TRPM4: variants seen among roughly 807,000 people sequenced by gnomAD.
The protein encoded by TRPM4 is transient receptor potential cation channel subfamily M member 4.
A neutral mutation model predicts 135.6 loss-of-function variants in TRPM4; 124 were observed. The observed-to-expected ratio is 0.91, with a 90% CI of 0.79 to 1.06. The LOEUF (loss-of-function observed/expected upper bound fraction) is 1.06, where lower values mean the gene tolerates loss of function less well. TRPM4 is among the 50% of genes least tolerant of loss of function. The pLI, the probability that TRPM4 is intolerant of heterozygous loss-of-function variation, is 0.00. For synonymous variants in TRPM4, 745 were observed against 705.6 expected (o/e 1.06, Z -0.88); for missense variants, 1,658 against 1,671.4 (o/e 0.99, Z 0.14).
rs145677855 is a variant in TRPM4 at position 49,167,921 on chromosome 19, T to C, written c.272T>C (p.Leu91Pro). 3.1e-6 allele frequency: 5 copies of C among 1,613,976 alleles called. No individual in the cohort carries two copies. The highest frequency in any genetic ancestry group is 4.2e-6 in the Non-Finnish European group (5 of 1,180,024). ...CCCGCTCCCATGTGTCCACAGTTCC[T>C]CCGGCTCTCTGACCGAACGGATCCA... ...TGAGRKHSNF[L>P]RLSDRTDPAA... Residue 91 changes from leucine to proline, a missense_variant, in exon 4 of 25, where the codon CTC (leucine) becomes CCC (proline). By Grantham distance (98) the Leu-to-Pro change is moderately conservative. Transcript: ENST00000252826.
rs538569974 is a variant in TRPM4 at position 49,175,878 on chromosome 19, C to T, written c.1150+3770C>T. Among the ~76,000 whole-genome samples the T allele has an allele frequency of 3.9e-3, 588 of 148,888 alleles. 17 individuals are homozygous for T. Among genetic ancestry groups the T allele is most frequent in the Non-Finnish European group, 7.1e-3 (476 of 67,510 alleles). Reference sequence around the variant, plus strand: ...TCCTGACCTTGTGATCCACCCGCCTCGGCCTCCCAAAGTGCTGGGATTACA... The same window carrying T: ...TCCTGACCTTGTGATCCACCCGCCTTGGCCTCCCAAAGTGCTGGGATTACA... On this transcript the variant is annotated intron_variant, in intron 9 of 24. Coordinates refer to ENST00000252826, the MANE Select transcript of TRPM4 (RefSeq NM_017636.4).
chr19:49,168,560 TC>T lies in TRPM4; in HGVS notation c.623del (p.Pro208LeufsTer70), dbSNP rs770203558. The T allele has an allele frequency of 8.1e-6, 13 of 1,613,732 alleles. No homozygotes were observed. The highest frequency in any genetic ancestry group is 1.3e-5 in the African/African-American group (1 of 74,890). ...RDTLINPKGSFPARYRWRGDP... is the reference protein window; with the variant it reads ...RDTLINPKGSXPARYRWRGDP... ...TGGCCATTTTTCCCCTAGGGCTCGT[TC>T]CCTGCGAGGTACCGGTGGCGCGGTG... On this transcript the variant is annotated frameshift_variant, in exon 6 of 25. Transcript: ENST00000252826. LOFTEE classifies it high-confidence loss of function.
rs1347083636 is a variant in TRPM4, at chr19:49,211,473, C to G, written c.3641-21C>G. ...CCCTTCCCTGCCAATCACCTGCTCT[C>G]TCTTTTCTCTCTTCCCCCAGACTGA... On this transcript the variant is annotated intron_variant, in intron 24 of 24. Coordinates refer to ENST00000252826, the MANE Select transcript of TRPM4 (RefSeq NM_017636.4). This position sits in a 1 kb window ranked among gnomAD's most constrained non-coding sequence, Gnocchi z 4.8. 6.2e-7 allele frequency: 1 copy of G among 1,614,038 alleles called. No individual in the cohort carries two copies.
Position 49,164,210 on chromosome 19 carries a change from C to CTTTCT in TRPM4, c.93-1815_93-1811dup, listed in dbSNP as rs138412491. On this transcript the variant is annotated intron_variant, in intron 2 of 24. Transcript: ENST00000252826. ...TTTTTCTCCTTCTTTCTTCCTTTCT[C>CTTTCT]TTTCTTTTCTTTTCTTTTCTCTCTC... Among the ~76,000 whole-genome samples, 1,074 of 150,058 alleles carry CTTTCT rather than the reference C, an allele frequency of 7.2e-3. 9 individuals are homozygous for CTTTCT. The highest frequency in any genetic ancestry group is 0.025 in the African/African-American group (1,014 of 40,650).
At position 49,196,520 on chromosome 19, in the gene TRPM4, G is replaced by T; in HGVS notation, c.2291G>T (p.Gly764Val). 1 of 1,554,184 alleles carries T rather than the reference G, an allele frequency of 6.4e-7. No individual in the cohort carries two copies. ...GRPGCCGGRC[G>V]GRRCLRRWFH... ...CCGGGTTGCTGCGGGGGCCGCTGCG[G>T]GGGGCGCCGGTGCCTACGCCGCTGG... Residue 764 changes from glycine (G) to valine (V), a missense_variant, in exon 17 of 25, where the codon GGG (glycine) becomes GTG (valine). This residue lies in a region of TRPM4 where 1,412 missense variants were observed against 1,408.7 expected (regional missense o/e 1.00). Coordinates refer to ENST00000252826, the MANE Select transcript of TRPM4 (RefSeq NM_017636.4).
At position 49,183,230 on chromosome 19, in the gene TRPM4, G is replaced by C. The variant is rs765350496; in HGVS notation, c.1743+18G>C. 2.5e-6 allele frequency: 4 copies of C among 1,613,786 alleles called. No homozygotes were observed. The highest frequency in any genetic ancestry group is 3.4e-6 in the Non-Finnish European group (4 of 1,180,016). On this transcript the variant is annotated intron_variant, in intron 12 of 24. Coordinates refer to ENST00000252826, the MANE Select transcript of TRPM4 (RefSeq NM_017636.4). ...GGGAGATGGTGAGTGCTGACTTGGC[G>C]CTCCTGCATCCCTGTCCTTTAGGCC... is the stretch of plus-strand genomic sequence containing the variant.
At chr19:49,207,206 A>G (rs1235433261) in intron 20 of TRPM4, among the ~76,000 whole-genome samples, 1 of 152,168 alleles carries the variant, frequency 6.6e-6, no homozygotes, top group Non-Finnish European at 1.5e-5. Context: ...AAAAGTGGAC[A>G]TCCTTGTCTT....
Position 49,180,466 on chromosome 19 carries a change from G to A in TRPM4, c.1151-883G>A, listed in dbSNP as rs1370024375. Among the ~76,000 whole-genome samples the A allele has an allele frequency of 7.5e-5, 11 of 147,324 alleles. 1 individual carries two copies. The South Asian group carries it at 2.4e-3, about 31-fold the overall frequency. ...TGTGTGTGTGTGTGTGTGTGTGTGT[G>A]TGTGTGTGTGTTGCACCCGGGCCTT... On this transcript the variant is annotated intron_variant, in intron 9 of 24. Transcript: ENST00000252826.
intron 2 of TRPM4, among the ~76,000 whole-genome samples, chr19:49,164,635 G>A (rs1431348045): frequency 6.6e-6 from 1 of 151,620 alleles, no homozygotes; most frequent in Non-Finnish European, 1.5e-5. Context: ...ACCCGCCTCA[G>A]CCTCCCAAAG....
intron 16 of TRPM4, among the ~76,000 whole-genome samples, chr19:49,191,157 C>T (rs752092983): frequency 5.3e-5 from 8 of 152,174 alleles, no homozygotes; most frequent in Non-Finnish European, 1.0e-4. Flanking sequence ...AGGACCCAAA[C>T]ACTTCCCCCA....
chr19:49,199,043 G>T (rs978288077), intron 17 of TRPM4, among the ~76,000 whole-genome samples: 1 of 152,072 alleles, frequency 6.6e-6, no homozygotes, highest in African/African-American at 2.4e-5. Context: ...CAGGGTAAGA[G>T]AGTGCCCCCT....
intron 6 of TRPM4, among the ~76,000 whole-genome samples, chr19:49,169,935 A>G (rs1002511947): frequency 1.3e-5 from 2 of 151,820 alleles, no homozygotes; most frequent in African/African-American, 2.4e-5. Flanking sequence ...ATTTTTGTGT[A>G]TTTTTCTTGT....
At chr19:49,189,593 C>T (rs1244678462) in intron 14 of TRPM4, among the ~76,000 whole-genome samples, 3 of 151,152 alleles carry the variant, frequency 2.0e-5, no homozygotes, top group South Asian at 2.1e-4. Flanking sequence ...TCTCACCCTT[C>T]CTATAGGAAA....
chr19:49,197,340 CTTTCTTTCTTTCTT>C lies in TRPM4; in HGVS notation c.2645+468_2645+481del, dbSNP rs897582592. Among the ~76,000 whole-genome samples the C allele has an allele frequency of 9.9e-5, 12 of 121,324 alleles. No individual in the cohort carries two copies. The East Asian group carries it at 1.1e-3, about 11-fold the overall frequency. 79.6% of individuals were successfully genotyped at this position (121,324 alleles called of 152,430 possible). A position where few individuals can be genotyped will look rare whatever the true frequency, so the allele number is the denominator to read the frequency against. Reference sequence around the variant, plus strand: ...TCTTTCTTTCTTTCTTTCTTTCTTTCTTTCTTTCTTTCTTTCTTTCTTTCTCTCTCTTTCTTTTC... The same window carrying C: ...TCTTTCTTTCTTTCTTTCTTTCTTTCTCTTTCTTTCTCTCTCTTTCTTTTC... On this transcript the variant is annotated intron_variant, in intron 17 of 24. Transcript: ENST00000252826.
chr19:49,174,878 A>C (rs1967616807), intron 9 of TRPM4, among the ~76,000 whole-genome samples: 1 of 150,638 alleles, frequency 6.6e-6, no homozygotes, highest in South Asian at 2.1e-4. Flanking sequence ...CTGTGTGGGG[A>C]GGGTCATTTT....
At position 49,199,010 on chromosome 19, in the gene TRPM4, T is replaced by G. The variant is rs572556669; in HGVS notation, c.2646-1290T>G. On this transcript the variant is annotated intron_variant, in intron 17 of 24. Coordinates refer to ENST00000252826, the MANE Select transcript of TRPM4 (RefSeq NM_017636.4). ...TGGATAGATTTCCTTCTAAGTAGCT[T>G]CACTCATTTCCACACCTGCCATCAG... 9.3e-4 allele frequency among the ~76,000 whole-genome samples: 141 copies of G among 152,240 alleles called. 1 individual carries two copies. In the South Asian group the frequency reaches 0.028, roughly 30 times the overall value.
At chr19:49,182,354 G>C (rs1202643845) in intron 10 of TRPM4, among the ~76,000 whole-genome samples, 4 of 79,628 alleles carry the variant, frequency 5.0e-5, no homozygotes, top group African/African-American at 8.5e-5. Flanking sequence ...CCATCCCTCT[G>C]TCCATCCATC....
chr19:49,168,397 A>C lies in TRPM4; in HGVS notation c.586A>C (p.Asn196His), dbSNP rs1967315654. ...MGVAPWGVVR[N>H]RDTLINPKGS... Reference sequence around the variant, plus strand: ...TGTGGCCCCCTGGGGTGTGGTCCGGAATAGAGACACCCTCATCAACCCCAA... The same window carrying C: ...TGTGGCCCCCTGGGGTGTGGTCCGGCATAGAGACACCCTCATCAACCCCAA... Residue 196 changes from asparagine to histidine, a missense_variant, in exon 5 of 25, where the codon AAT becomes CAT. This residue lies in a region of TRPM4 where 1,412 missense variants were observed against 1,408.7 expected (regional missense o/e 1.00). Transcript: ENST00000252826. The C allele has an allele frequency of 6.2e-7, 1 of 1,613,928 alleles. No individual in the cohort carries two copies. Among genetic ancestry groups the C allele is most frequent in the Non-Finnish European group, 8.5e-7 (1 of 1,179,998 alleles).
intron 2 of TRPM4, chr19:49,158,560 GT>G (rs1283103172): frequency 2.4e-6 from 1 of 423,816 alleles, no homozygotes; most frequent in Non-Finnish European, 4.3e-6. Flanking sequence ...CTGTGTCTCT[GT>G]CTTTCCCTTT....
Sources: allele counts gnomAD v4.1 joint callset (sites outside exome capture counted in the v4.1 genomes callset), GRCh38; gene constraint gnomAD v4.1.1; regional missense constraint gnomAD v4.1.1; non-coding constraint Gnocchi (gnomAD v3.1); transcripts MANE v1.5; gene names NCBI Gene and HGNC (gene_info 2026-07-23, HGNC 2026-07-21).